Variants in ZNF846 observed in about 807,000 individuals in gnomAD.
ZNF846 encodes the protein zinc finger protein 420 pseudogene.
A neutral mutation model predicts 16.0 loss-of-function variants in ZNF846; 15 were observed. The observed-to-expected ratio is 0.94, with a 90% CI of 0.63 to 1.45. The LOEUF is 1.45. Ranked by LOEUF, ZNF846 falls within the 40% of genes most tolerant of loss-of-function variation. ZNF846 has a pLI of 0.00. For missense variants in ZNF846, 714 were observed against 622.3 expected, an observed-to-expected ratio of 1.15 and a Z score of -1.57; for synonymous variants, 229 against 212.0, an observed-to-expected ratio of 1.08 and a Z score of -0.70.
chr19:9,780,279 C>A (rs1482089129), intron 1 of ZNF846, among the ~76,000 whole-genome samples: 2 of 151,924 alleles, frequency 1.3e-5, no homozygotes, highest in African/African-American at 4.8e-5. Flanking sequence ...ATCATGTACA[C>A]TGCAGCTTAC....
rs1214845852 is a variant in ZNF846, at chr19:9,783,538, A to ATATATATAT, written c.-86+2399_-86+2400insATATATATA. ...AGAGTCTCATCACTAAAAAAAAAAA[A>ATATATATAT]AAAAAAATATATATATATATATATA... On this transcript the variant is annotated intron_variant, in intron 1 of 4. Transcript: ENST00000586814. Among the ~76,000 whole-genome samples the ATATATATAT allele has an allele frequency of 5.1e-3, 590 of 115,020 alleles. 2 individuals carry two copies. The highest frequency in any genetic ancestry group is 7.3e-3 in the Non-Finnish European group (435 of 59,664). 75.5% of individuals were successfully genotyped at this position (115,020 alleles called of 152,430 possible). A position where few individuals can be genotyped will look rare whatever the true frequency, so the allele number is the denominator to read the frequency against.
At chr19:9,785,099 G>C (rs2045544312) in intron 1 of ZNF846, among the ~76,000 whole-genome samples, 1 of 151,928 alleles carries the variant, frequency 6.6e-6, no homozygotes, top group Non-Finnish European at 1.5e-5. Flanking sequence ...TAAGAAGTCA[G>C]TGAGACTGGG....
intron 1 of ZNF846, among the ~76,000 whole-genome samples, chr19:9,765,650 G>A (rs1194819155): frequency 6.6e-6 from 1 of 152,138 alleles, no homozygotes; most frequent in Non-Finnish European, 1.5e-5. Flanking sequence ...TCCAGCCTGG[G>A]TGACAGAGCA....
chr19:9,758,553 T>C (rs1206668529), exon 6 of ZNF846: 1 of 1,612,816 alleles, frequency 6.2e-7, no homozygotes, highest in South Asian at 1.1e-5. Context: ...GGCTTTTTCA[T>C]GTTTAACACA....
At chr19:9,758,608 G>A (rs750111771) in exon 6 of ZNF846, 2 of 1,612,976 alleles carry the variant, frequency 1.2e-6, no homozygotes, top group East Asian at 4.5e-5. Context: ...TAAAAACTAT[G>A]AGGAAAGTTC....
chr19:9,777,477 C>T (rs527489783), intron 1 of ZNF846, among the ~76,000 whole-genome samples: 7 of 151,450 alleles, frequency 4.6e-5, no homozygotes, highest in Admixed American at 1.3e-4. Context: ...TCGAGACCAT[C>T]CTGGCCAACC....
chr19:9,760,600 C>T (rs2045209509), intron 4 of ZNF846, among the ~76,000 whole-genome samples: 1 of 150,994 alleles, frequency 6.6e-6, no homozygotes, highest in Non-Finnish European at 1.5e-5. Context: ...ACTCAAGTGG[C>T]TGAGTCATGA....
chr19:9,752,125 A>G (rs1437627906), downstream of ZNF846: 1 of 152,522 alleles, frequency 6.6e-6, no homozygotes, highest in African/African-American at 2.4e-5. Flanking sequence ...ACAACTCAAG[A>G]ACAGACTAAT....
At chr19:9,781,946 T>A (rs990354304) in intron 1 of ZNF846, among the ~76,000 whole-genome samples, 1 of 151,656 alleles carries the variant, frequency 6.6e-6, no homozygotes, top group Non-Finnish European at 1.5e-5. Flanking sequence ...CCCTGCTAAT[T>A]TTGTATTTTT....
At chr19:9,769,269 C>T (rs1165958704), upstream of ZNF846, among the ~76,000 whole-genome samples, 1 of 151,754 alleles carries the variant, frequency 6.6e-6, no homozygotes, top group African/African-American at 2.4e-5. Flanking sequence ...TTTCTAGACA[C>T]TTGGGTCTCA....
At chr19:9,753,616 T>C (rs1341588229), downstream of ZNF846, among the ~76,000 whole-genome samples, 1 of 151,662 alleles carries the variant, frequency 6.6e-6, no homozygotes, top group Non-Finnish European at 1.5e-5. Context: ...GTCTTTGTTT[T>C]CATTTGTCTC....
intron 1 of ZNF846, among the ~76,000 whole-genome samples, chr19:9,785,323 C>CAGT (rs1320039703): frequency 1.3e-5 from 2 of 151,696 alleles, no homozygotes; most frequent in African/African-American, 4.8e-5. Flanking sequence ...TCAGCCTCCC[C>CAGT]AGTAGCTGGG....
intron 1 of ZNF846, among the ~76,000 whole-genome samples, chr19:9,776,693 C>T (rs1293712345): frequency 1.3e-5 from 2 of 152,170 alleles, no homozygotes; most frequent in African/African-American, 4.8e-5. Flanking sequence ...ATCTCTTAGT[C>T]TTGTGTCTTT....
intron 1 of ZNF846, among the ~76,000 whole-genome samples, chr19:9,766,094 A>G (rs182727861): frequency 1.3e-5 from 2 of 152,190 alleles, no homozygotes; most frequent in East Asian, 3.9e-4. Flanking sequence ...GTGTTCATCC[A>G]CCTGTGATTT....
intron 1 of ZNF846, among the ~76,000 whole-genome samples, chr19:9,766,345 CAG>C (rs2045315156): frequency 7.1e-6 from 1 of 141,296 alleles, no homozygotes; most frequent in African/African-American, 2.7e-5. Context: ...ACCAGGAAGA[CAG>C]AAATTACAGT....
At chr19:9,757,483 T>G (rs2045149094) in exon 6 of ZNF846, 3 of 1,570,620 alleles carry the variant, frequency 1.9e-6, no homozygotes, top group Non-Finnish European at 2.6e-6. Context: ...CTTCAGGTTT[T>G]TTCACATGCC....
chr19:9,752,614 CAA>C (rs34675292), downstream of ZNF846, among the ~76,000 whole-genome samples: 15,251 of 91,246 alleles, frequency 0.17, 1,567 homozygotes, highest in African/African-American at 0.33. Context: ...GACTTCATCC[CAA>C]AAAAAAAAAA....
At chr19:9,758,484 C>T (rs1209053266) in exon 6 of ZNF846, 2 of 1,613,572 alleles carry the variant, frequency 1.2e-6, no homozygotes, top group Admixed American at 1.7e-5. Flanking sequence ...TTTGCATTCA[C>T]ACAATTTCTC....
intron 4 of ZNF846, among the ~76,000 whole-genome samples, chr19:9,760,269 G>C (rs2045203506): frequency 6.7e-6 from 1 of 149,796 alleles, no homozygotes; most frequent in Non-Finnish European, 1.5e-5. Flanking sequence ...TCCAGCCTGG[G>C]CTACAGAGCA....
Sources: allele counts gnomAD v4.1 joint callset (sites outside exome capture counted in the v4.1 genomes callset), GRCh38; gene constraint gnomAD v4.1.1; transcripts MANE v1.5; gene names NCBI Gene and HGNC (gene_info 2026-07-23, HGNC 2026-07-21).